Variants in PDE7B observed in about 807,000 individuals in gnomAD.
PDE7B encodes the protein phosphodiesterase 7B, also known as 3',5'-cyclic-AMP phosphodiesterase 7B.
PDE7B carries 29 observed loss-of-function variants against 56.2 expected under a neutral mutation model. The ratio of observed to expected loss-of-function variants is 0.52; its 90% CI spans 0.38 to 0.70. PDE7B has a LOEUF of 0.70. Among genes scored for constraint, PDE7B ranks in the 30% least tolerant of loss-of-function variants. PDE7B has a pLI of 0.00. For synonymous variants in PDE7B, 197 were observed against 196.9 expected (o/e 1.00, Z 0.00); for missense variants, 490 against 565.0 (o/e 0.87, Z 1.35).
At chr6:136,091,807 G>A (rs533688746) in intron 2 of PDE7B, among the ~76,000 whole-genome samples, 6 of 151,690 alleles carry the variant, frequency 4.0e-5, no homozygotes, top group East Asian at 1.9e-4. Context: ...CCAAGACTGG[G>A]AATCAAATAT....
intron 1 of PDE7B, among the ~76,000 whole-genome samples, chr6:135,918,622 TAAATA>T (rs1774004008): frequency 8.8e-6 from 1 of 113,196 alleles, no homozygotes; most frequent in Non-Finnish European, 1.9e-5. Context: ...TTAAATAAAT[TAAATA>T]AATAAATTTT....
chr6:135,983,278 C>G lies in PDE7B; in HGVS notation c.82+35754C>G, dbSNP rs145138270. Among the ~76,000 whole-genome samples, 5 of 152,268 alleles carry G rather than the reference C, an allele frequency of 3.3e-5. No homozygotes were observed. In the East Asian group the frequency reaches 9.7e-4, roughly 29 times the overall value. ...CAGCAGTGGGCTGAGTTCACCCCTA[C>G]CATGGGCTGAACTGACTTCAGAACC... is the stretch of plus-strand genomic sequence containing the variant. On this transcript the variant is annotated intron_variant, in intron 2 of 12. Transcript: ENST00000308191.
At chr6:136,002,146 ATGC>A (rs1284689067) in intron 2 of PDE7B, among the ~76,000 whole-genome samples, 3 of 152,344 alleles carry the variant, frequency 2.0e-5, no homozygotes, top group Middle Eastern at 3.4e-3. Context: ...AGACAAGGAA[ATGC>A]TGAGAGATTT....
At chr6:135,853,977 T>C (rs1454434784) in intron 1 of PDE7B, among the ~76,000 whole-genome samples, 1 of 152,196 alleles carries the variant, frequency 6.6e-6, no homozygotes, top group Non-Finnish European at 1.5e-5. Flanking sequence ...TGAAAAGCAC[T>C]TTTGGTGTCA....
chr6:136,061,254 A>C (rs549608411), intron 2 of PDE7B, among the ~76,000 whole-genome samples: 1 of 152,262 alleles, frequency 6.6e-6, no homozygotes, highest in South Asian at 2.1e-4. Context: ...TCTGGCTGAT[A>C]TATTGTCTTC....
intron 1 of PDE7B, among the ~76,000 whole-genome samples, chr6:135,900,353 A>G (rs1775978229): frequency 1.3e-5 from 2 of 151,910 alleles, no homozygotes; most frequent in Non-Finnish European, 2.9e-5. Flanking sequence ...ATGTTCTTTT[A>G]TATCTGCTAT....
intron 2 of PDE7B, among the ~76,000 whole-genome samples, chr6:136,108,278 T>G (rs1360719825): frequency 6.6e-6 from 1 of 152,154 alleles, no homozygotes; most frequent in East Asian, 1.9e-4. Context: ...TAAAGCACAT[T>G]AATGATACAA....
At position 135,928,469 on chromosome 6, in the gene PDE7B, T is replaced by TTA. The variant is rs201188970; in HGVS notation, c.22-18983_22-18982dup. On this transcript the variant is annotated intron_variant, in intron 1 of 12. Coordinates refer to ENST00000308191, the MANE Select transcript of PDE7B (RefSeq NM_018945.4). ...TATATTTATTTATATATATATTTATTTATATATATATATTTATTTATATAT... is the reference window on the plus strand; with the variant it reads ...TATATTTATTTATATATATATTTATTTATATATATATATATTTATTTATATAT... Among the ~76,000 whole-genome samples the TTA allele has an allele frequency of 9.8e-5, 8 of 81,742 alleles. No homozygotes were observed. The South Asian group carries it at 1.3e-3, about 13-fold the overall frequency. 53.6% of individuals were successfully genotyped at this position (81,742 alleles called of 152,430 possible).
At chr6:136,150,850 TAC>T in intron 5 of PDE7B, among the ~76,000 whole-genome samples, 1 of 144,360 alleles carries the variant, frequency 6.9e-6, no homozygotes, top group East Asian at 2.0e-4. Flanking sequence ...AATACACATA[TAC>T]ACATGTGTGT....
At chr6:135,918,665 C>T (rs1197834445) in intron 1 of PDE7B, among the ~76,000 whole-genome samples, 1 of 151,934 alleles carries the variant, frequency 6.6e-6, no homozygotes, top group Non-Finnish European at 1.5e-5. Context: ...TTTGGAATTT[C>T]AATTTTATTT....
At chr6:136,100,863 C>G (rs1005889769) in intron 2 of PDE7B, among the ~76,000 whole-genome samples, 1 of 152,172 alleles carries the variant, frequency 6.6e-6, no homozygotes, top group African/African-American at 2.4e-5. Context: ...AAAGGGAATG[C>G]TTCCAGGTTT....
chr6:136,168,672 A>C (rs907408755), intron 8 of PDE7B, among the ~76,000 whole-genome samples: 1 of 152,188 alleles, frequency 6.6e-6, no homozygotes, highest in African/African-American at 2.4e-5. Flanking sequence ...CACAAGTGAC[A>C]CTATGTAGGA....
chr6:136,184,474 G>C (rs987350235), intron 11 of PDE7B, among the ~76,000 whole-genome samples: 1 of 152,156 alleles, frequency 6.6e-6, no homozygotes, highest in Non-Finnish European at 1.5e-5. Context: ...ATAAAAAATA[G>C]AGTTCCTCAG....
At chr6:136,108,616 A>G in intron 2 of PDE7B, 115 bp from the exon 3 acceptor site, 1 of 748,934 alleles carries the variant, frequency 1.3e-6, no homozygotes. Context: ...AGTATGGTGA[A>G]TGGGAACCAT....
intron 1 of PDE7B, among the ~76,000 whole-genome samples, chr6:135,919,511 T>C (rs1450535826): frequency 1.3e-5 from 2 of 152,244 alleles, no homozygotes; most frequent in African/African-American, 2.4e-5. Context: ...ATATAGATTT[T>C]CTCTCAACAT....
At chr6:136,179,194 G>A in intron 10 of PDE7B, 53 bp downstream of exon 10, 2 of 1,534,398 alleles carry the variant, frequency 1.3e-6, no homozygotes, top group Non-Finnish European at 1.8e-6. Context: ...CACTCAGCTG[G>A]GCTGGGTGTG....
At position 135,865,877 on chromosome 6, in the gene PDE7B, T is replaced by C. The variant is rs1775250496; in HGVS notation, c.21+13858T>C. 2.0e-5 allele frequency among the ~76,000 whole-genome samples: 3 copies of C among 152,270 alleles called. No individual in the cohort carries two copies. The South Asian group carries it at 6.2e-4, about 32-fold the overall frequency. Reference sequence around the variant, plus strand: ...TATTCATTTTTATCTATTATTGTTTTCTTCAAAAGATAGGGAAAGAGAGTA... The same window carrying C: ...TATTCATTTTTATCTATTATTGTTTCCTTCAAAAGATAGGGAAAGAGAGTA... On this transcript the variant is annotated intron_variant, in intron 1 of 12. Coordinates refer to ENST00000308191, the MANE Select transcript of PDE7B (RefSeq NM_018945.4).
intron 2 of PDE7B, among the ~76,000 whole-genome samples, chr6:136,024,637 T>G (rs1456866215): frequency 6.6e-6 from 1 of 152,184 alleles, no homozygotes. Flanking sequence ...ATGGAATGCC[T>G]ACTTTGTGCC....
chr6:135,948,324 T>C (rs986883673), intron 2 of PDE7B, among the ~76,000 whole-genome samples: 8 of 152,014 alleles, frequency 5.3e-5, no homozygotes, highest in Non-Finnish European at 8.8e-5. Context: ...ATAAAAATAA[T>C]TTCTAAATTT....
Sources: allele counts gnomAD v4.1 joint callset (sites outside exome capture counted in the v4.1 genomes callset), GRCh38; gene constraint gnomAD v4.1.1; transcripts MANE v1.5; gene names NCBI Gene and HGNC (gene_info 2026-07-23, HGNC 2026-07-21).